The following NLGN1 variants were observed in gnomAD, a reference collection of about 807,000 sequenced individuals.
NLGN1 encodes the protein neuroligin 1, also known as neuroligin-1.
A neutral mutation model predicts 65.5 loss-of-function variants in NLGN1; 12 were observed. The ratio of observed to expected loss-of-function variants is 0.18; its 90% confidence interval spans 0.12 to 0.30. NLGN1 has a LOEUF of 0.30. NLGN1 is among the 10% of genes least tolerant of loss of function. The pLI, the probability that NLGN1 is intolerant of heterozygous loss-of-function variation, is 1.00. For missense variants in NLGN1, 750 were observed against 1,007.1 expected, an observed-to-expected ratio of 0.74 and a Z score of 3.46; for synonymous variants, 350 against 359.5, an observed-to-expected ratio of 0.97 and a Z score of 0.30.
intron 3 of NLGN1, among the ~76,000 whole-genome samples, chr3:173,749,313 C>T (rs1220271700): frequency 1.3e-5 from 2 of 152,028 alleles, no homozygotes; most frequent in Non-Finnish European, 2.9e-5. Context: ...AGTCAAAGGA[C>T]TGAACAGGTG....
chr3:173,969,937 A>G lies in NLGN1; in HGVS notation c.646+162105A>G, dbSNP rs149943818. Among the ~76,000 whole-genome samples, 1,077 of 152,168 alleles carry G rather than the reference A, an allele frequency of 7.1e-3. 24 individuals are homozygous for G. The highest frequency in any genetic ancestry group is 0.024 in the African/African-American group (986 of 41,534). Reference sequence around the variant, plus strand: ...TTAAAAAAAAAAAAGATCTAACCACAAAATAAAACATTTAATTGCCTATTT... The same window carrying G: ...TTAAAAAAAAAAAAGATCTAACCACGAAATAAAACATTTAATTGCCTATTT... On this transcript the variant is annotated intron_variant, in intron 4 of 6. Transcript: ENST00000457714.
chr3:173,889,988 GGTGTGT>G (rs140428383), intron 4 of NLGN1, among the ~76,000 whole-genome samples: 2 of 147,736 alleles, frequency 1.4e-5, no homozygotes, highest in Middle Eastern at 3.5e-3. Flanking sequence ...TATGTATGAG[GGTGTGT>G]GTGTGTGTGT....
intron 4 of NLGN1, among the ~76,000 whole-genome samples, chr3:173,895,775 C>A (rs924875779): frequency 2.6e-5 from 4 of 152,054 alleles, no homozygotes; most frequent in Non-Finnish European, 5.9e-5. Flanking sequence ...ACTACAACCT[C>A]TCCCTCCTGG....
intron 3 of NLGN1, among the ~76,000 whole-genome samples, chr3:173,760,611 A>G (rs1025108391): frequency 6.6e-6 from 1 of 152,046 alleles, no homozygotes; most frequent in Non-Finnish European, 1.5e-5. Context: ...ATTGTACTAT[A>G]TGAACATTTA....
intron 3 of NLGN1, among the ~76,000 whole-genome samples, chr3:173,607,358 A>G (rs1751551105): frequency 6.6e-6 from 1 of 151,856 alleles, no homozygotes; most frequent in South Asian, 2.1e-4. Flanking sequence ...GTGCTTATTC[A>G]TACTATTAAC....
chr3:173,449,048 G>A (rs1345627301), intron 2 of NLGN1, among the ~76,000 whole-genome samples: 2 of 151,976 alleles, frequency 1.3e-5, no homozygotes, highest in African/African-American at 4.8e-5. Context: ...AGGGTTTTTT[G>A]TGTCTCCATT....
chr3:173,456,456 A>T (rs79805497), intron 2 of NLGN1, among the ~76,000 whole-genome samples: 4,234 of 152,274 alleles, frequency 0.028, 208 homozygotes, highest in African/African-American at 0.094. Flanking sequence ...TTTTCTCATT[A>T]GTAAAGTTAG....
chr3:173,651,503 G>T (rs1278289469), intron 3 of NLGN1, among the ~76,000 whole-genome samples: 8 of 152,086 alleles, frequency 5.3e-5, no homozygotes, highest in South Asian at 2.1e-4. Context: ...GGATTGAATG[G>T]TAGTTCTATT....
At chr3:174,252,856 T>G (rs1745024924) in intron 4 of NLGN1, among the ~76,000 whole-genome samples, 2 of 152,164 alleles carry the variant, frequency 1.3e-5, no homozygotes, top group African/African-American at 4.8e-5. Context: ...CACGGTGAGA[T>G]TGCAGGAAGG....
intron 4 of NLGN1, among the ~76,000 whole-genome samples, chr3:173,908,475 G>A (rs1738898310): frequency 6.6e-6 from 1 of 152,158 alleles, no homozygotes; most frequent in East Asian, 1.9e-4. Flanking sequence ...AAAGCTGCAT[G>A]AGAGAAGCTC....
intron 2 of NLGN1, among the ~76,000 whole-genome samples, chr3:173,437,036 C>G (rs555224482): frequency 6.6e-6 from 1 of 152,290 alleles, no homozygotes; most frequent in South Asian, 2.1e-4. Context: ...GAAGTAGATT[C>G]TGATTCCTGC....
intron 4 of NLGN1, among the ~76,000 whole-genome samples, chr3:174,100,135 G>C (rs1257749898): frequency 6.6e-6 from 1 of 151,990 alleles, no homozygotes; most frequent in East Asian, 1.9e-4. Context: ...AAATATTTCA[G>C]AGTTTGACTC....
rs533822001 is a variant in NLGN1 at position 174,114,524 on chromosome 3, T to C, written c.647-160791T>C. ...TATCTGATGCCTTACTCAATGAGGCTTTAAGTCTCAACCCAATCAAGTCAC... is the reference window on the plus strand; with the variant it reads ...TATCTGATGCCTTACTCAATGAGGCCTTAAGTCTCAACCCAATCAAGTCAC... On this transcript the variant is annotated intron_variant, in intron 4 of 6. Transcript: ENST00000457714. Among the ~76,000 whole-genome samples the C allele has an allele frequency of 1.1e-4, 16 of 152,292 alleles. No homozygotes were observed. In the South Asian group the frequency reaches 3.3e-3, roughly 32 times the overall value.
chr3:173,455,770 A>G (rs539607341), intron 2 of NLGN1, among the ~76,000 whole-genome samples: 1 of 152,122 alleles, frequency 6.6e-6, no homozygotes, highest in African/African-American at 2.4e-5. Flanking sequence ...GTATATATAT[A>G]TGTTTATAGA....
At chr3:174,115,123 T>C (rs888708175) in intron 4 of NLGN1, among the ~76,000 whole-genome samples, 1 of 152,170 alleles carries the variant, frequency 6.6e-6, no homozygotes, top group Non-Finnish European at 1.5e-5. Flanking sequence ...ATTTTGATTT[T>C]TGTACTTTCA....
chr3:173,700,263 C>T (rs1015096446), intron 3 of NLGN1, among the ~76,000 whole-genome samples: 1 of 152,170 alleles, frequency 6.6e-6, no homozygotes, highest in Non-Finnish European at 1.5e-5. Flanking sequence ...TTATACCATT[C>T]TGTTTCTTGG....
At chr3:174,206,377 A>G (rs985135473) in intron 4 of NLGN1, among the ~76,000 whole-genome samples, 5 of 152,224 alleles carry the variant, frequency 3.3e-5, no homozygotes, top group Non-Finnish European at 5.9e-5. Flanking sequence ...CCTTGGAAGC[A>G]GATCAATCCT....
intron 4 of NLGN1, among the ~76,000 whole-genome samples, chr3:174,064,047 C>G (rs1317646798): frequency 6.6e-6 from 1 of 152,058 alleles, no homozygotes; most frequent in East Asian, 1.9e-4. Context: ...GAGGCTGAGG[C>G]AGTAGAGCCG....
chr3:173,451,500 G>A (rs1233835664), intron 2 of NLGN1, among the ~76,000 whole-genome samples: 9 of 152,134 alleles, frequency 5.9e-5, no homozygotes, highest in Admixed American at 2.0e-4. Context: ...TAGGCTACTC[G>A]GGGGTCAGGG....
Sources: gnomAD v4.1 joint callset for allele counts (sites outside exome capture counted in the v4.1 genomes callset) on GRCh38, gnomAD v4.1.1 for gene constraint, MANE v1.5 for transcripts, NCBI Gene and HGNC (gene_info 2026-07-23, HGNC 2026-07-21) for gene names.